The following ANK2 variants were observed in gnomAD, a reference collection of about 807,000 sequenced individuals.
ANK2 encodes the protein ankyrin 2.
A neutral mutation model predicts 360.5 loss-of-function variants in ANK2; 83 were observed. The observed-to-expected ratio is 0.23, with a 90% CI of 0.19 to 0.28. The LOEUF is 0.28. ANK2 is among the 10% of genes least tolerant of loss of function. The pLI is 1.00. For synonymous variants in ANK2, 1,740 were observed against 1,759.5 expected (o/e 0.99, Z 0.28); for missense variants, 4,201 against 4,795.7 (o/e 0.88, Z 3.66).
intron 1 of ANK2, among the ~76,000 whole-genome samples, chr4:113,125,688 A>C (rs1258350294): frequency 1.3e-5 from 2 of 152,126 alleles, no homozygotes; most frequent in Admixed American, 1.3e-4. Flanking sequence ...TCCCTTTATT[A>C]TTATAAATGA....
the ANK2 span, among the ~76,000 whole-genome samples, chr4:112,792,375 A>G: frequency 6.6e-6 from 1 of 152,100 alleles, no homozygotes; most frequent in Non-Finnish European, 1.5e-5. Context: ...CTTTTTTAGT[A>G]GGCACTGATG....
chr4:112,896,503 G>A (rs1560997733), intron 1 of ANK2, among the ~76,000 whole-genome samples: 1 of 152,170 alleles, frequency 6.6e-6, no homozygotes, highest in African/African-American at 2.4e-5. Flanking sequence ...AAAGGATTGA[G>A]GAATGCAGCA....
intron 2 of ANK2, among the ~76,000 whole-genome samples, chr4:112,975,148 T>G (rs2040940792): frequency 6.6e-6 from 1 of 152,200 alleles, no homozygotes; most frequent in African/African-American, 2.4e-5. Context: ...ATGTCGGCAC[T>G]TACCTGTCTG....
At chr4:113,029,317 C>T (rs1044403491) in intron 2 of ANK2, among the ~76,000 whole-genome samples, 7 of 152,074 alleles carry the variant, frequency 4.6e-5, no homozygotes, top group African/African-American at 1.4e-4. Context: ...TCACTACATC[C>T]TCTAACTCCT....
At chr4:112,759,794 C>T in the ANK2 span, among the ~76,000 whole-genome samples, 13 of 151,956 alleles carry the variant, frequency 8.6e-5, no homozygotes, top group African/African-American at 3.1e-4. Flanking sequence ...AGTGCTTCTA[C>T]GTTCATATAT....
the ANK2 span, among the ~76,000 whole-genome samples, chr4:112,763,531 C>CT: frequency 0.47 from 64,599 of 137,780 alleles, 15,070 homozygotes; most frequent in East Asian, 0.62. Flanking sequence ...AGCGCCTGGC[C>CT]TTTTTTTTTT....
intron 2 of ANK2, among the ~76,000 whole-genome samples, chr4:113,023,195 A>C (rs2058544490): frequency 6.6e-6 from 1 of 152,258 alleles, no homozygotes; most frequent in Non-Finnish European, 1.5e-5. Flanking sequence ...GAGCCAGTTC[A>C]TAATTATAGG....
At chr4:112,848,042 G>C (rs753702987) in intron 1 of ANK2, among the ~76,000 whole-genome samples, 10 of 152,176 alleles carry the variant, frequency 6.6e-5, no homozygotes, top group Non-Finnish European at 1.2e-4. Flanking sequence ...AAGAGCATGC[G>C]ATTTGGAGCG....
chr4:113,112,860 G>A (rs2094438245), intron 1 of ANK2, among the ~76,000 whole-genome samples: 1 of 152,176 alleles, frequency 6.6e-6, no homozygotes, highest in Non-Finnish European at 1.5e-5. Context: ...GTAGAAGGAA[G>A]ATATCCTTTG....
chr4:113,163,124 C>A (rs903746608), intron 1 of ANK2, among the ~76,000 whole-genome samples: 2 of 152,064 alleles, frequency 1.3e-5, no homozygotes, highest in Non-Finnish European at 2.9e-5. Context: ...ATTCTTTAGT[C>A]TCTTAAAAAA....
In ANK2 at chr4:113,358,447, T is replaced by C. The variant is rs753345794; in HGVS notation, c.9829T>C (p.Ser3277Pro). The change falls in exon 38 of 46, where the codon TCC becomes CCC. Residue 3277 changes from serine to proline, a missense_variant. Ser to Pro is a moderately conservative substitution (Grantham distance 74). Coordinates refer to ENST00000357077, the MANE Select transcript of ANK2 (RefSeq NM_001148.6). ...SDRGDDSPDS[S>P]PEEQKSVIEI... ...TAGGGGTGATGATTCTCCCGATTCT[T>C]CCCCAGAAGAACAGAAATCAGTAAT... The C allele has an allele frequency of 2.2e-5, 36 of 1,613,952 alleles. No individual in the cohort carries two copies. Among genetic ancestry groups the C allele is most frequent in the Non-Finnish European group, 2.9e-5 (34 of 1,179,978 alleles).
chr4:113,082,909 T>C (rs939041855), intron 1 of ANK2, among the ~76,000 whole-genome samples: 1 of 152,212 alleles, frequency 6.6e-6, no homozygotes, highest in Admixed American at 6.5e-5. Context: ...AAAGTGATCC[T>C]GCTTAAAATT....
chr4:112,832,523 T>C (rs6533657), intron 1 of ANK2, among the ~76,000 whole-genome samples: 88,873 of 152,086 alleles, frequency 0.58, 26,916 homozygotes, highest in East Asian at 0.93. Flanking sequence ...CTTACTAAAA[T>C]TTTGTTGATA....
intron 1 of ANK2, among the ~76,000 whole-genome samples, chr4:113,142,823 T>C: frequency 6.6e-6 from 1 of 152,162 alleles, no homozygotes; most frequent in Middle Eastern, 3.2e-3. Context: ...TGGTTCATAC[T>C]CTCAGTGGTT....
At chr4:113,060,679 C>CTTTTT (rs58946073) in intron 1 of ANK2, among the ~76,000 whole-genome samples, 1 of 89,338 alleles carries the variant, frequency 1.1e-5, no homozygotes, top group Non-Finnish European at 2.2e-5. Flanking sequence ...ATCTAAAAAG[C>CTTTTT]TTTTTTTTTT....
intron 2 of ANK2, among the ~76,000 whole-genome samples, chr4:113,194,159 A>G (rs1278883161): frequency 6.6e-6 from 1 of 152,170 alleles, no homozygotes; most frequent in Non-Finnish European, 1.5e-5. Flanking sequence ...TACCTAGCAA[A>G]TGCTTATGGA....
intron 23 of ANK2, among the ~76,000 whole-genome samples, chr4:113,309,748 G>A (rs944012888): frequency 2.6e-5 from 4 of 152,106 alleles, no homozygotes; most frequent in Admixed American, 6.6e-5. Flanking sequence ...TCAAACTTCT[G>A]AGCTCAAGCA....
intron 24 of ANK2, chr4:113,313,790 G>C (rs868790565): frequency 7.0e-6 from 1 of 143,176 alleles, no homozygotes; most frequent in African/African-American, 2.8e-5. Flanking sequence ...TGCCGGGGCG[G>C]GGGGTGAGGG....
chr4:113,239,366 ATCAAC>A lies in ANK2; in HGVS notation c.694-1114_694-1110del, dbSNP rs149062360. On this transcript the variant is annotated intron_variant, in intron 7 of 45. Coordinates refer to ENST00000357077, the MANE Select transcript of ANK2 (RefSeq NM_001148.6). ...AAAACAAAGCCACCAAAGCCTATAG[ATCAAC>A]TCAATAGAAAAAAAGTTGTAATTTT... Among the ~76,000 whole-genome samples, 616 of 152,304 alleles carry A rather than the reference ATCAAC, an allele frequency of 4.0e-3. 5 individuals carry two copies. Among genetic ancestry groups the A allele is most frequent in the African/African-American group, 0.014 (581 of 41,580 alleles).
Sources: gnomAD v4.1 joint callset for allele counts (sites outside exome capture counted in the v4.1 genomes callset) on GRCh38, gnomAD v4.1.1 for gene constraint, MANE v1.5 for transcripts, NCBI Gene and HGNC (gene_info 2026-07-23, HGNC 2026-07-21) for gene names.